SEPTIN7: variants seen among roughly 807,000 people sequenced by gnomAD.
SEPTIN7 encodes the protein septin 7.
A neutral mutation model predicts 63.3 loss-of-function variants in SEPTIN7; 10 were observed. The observed-to-expected ratio is 0.16, with a 90% CI of 0.10 to 0.27. The LOEUF (loss-of-function observed/expected upper bound fraction) is 0.27. SEPTIN7 is among the 10% of genes least tolerant of loss of function. The probability of loss-of-function intolerance (pLI) is 1.00; values close to 1 mark genes in which losing one functional copy is unlikely to be tolerated. For synonymous variants in SEPTIN7, 131 were observed against 165.3 expected (o/e 0.79, Z 1.59); for missense variants, 310 against 521.0 (o/e 0.59, Z 3.94).
intron 1 of SEPTIN7, among the ~76,000 whole-genome samples, chr7:35,818,518 T>A (rs1167353936): frequency 6.6e-6 from 1 of 152,082 alleles, no homozygotes; most frequent in African/African-American, 2.4e-5. Context: ...TTGGACTAGT[T>A]TTTGAAGGAT....
rs2116408546 is a variant in SEPTIN7, at chr7:35,905,313, T to A, written c.*1020T>A. 1 of 152,782 alleles carries A rather than the reference T, an allele frequency of 6.5e-6. No individual in the cohort carries two copies. The highest frequency in any genetic ancestry group is 2.1e-4 in the South Asian group (1 of 4,832). The allele number at this position is 152,782 out of a possible 1,614,324, so 9.5% of individuals were successfully genotyped here. On this transcript the variant is annotated 3_prime_UTR_variant, in exon 14 of 14. Coordinates refer to ENST00000350320, the MANE Select transcript of SEPTIN7 (RefSeq NM_001788.6). ...TAAACGATGTTGTGATGTAATATTG[T>A]GTGAGGTCTTAAATATCCTACAGTC...
chr7:35,811,190 C>G (rs895265959), intron 1 of SEPTIN7, among the ~76,000 whole-genome samples: 8 of 151,920 alleles, frequency 5.3e-5, no homozygotes, highest in Non-Finnish European at 1.0e-4. Flanking sequence ...TAATAATTTT[C>G]TTAGTTCTTT....
chr7:35,867,187 A>C (rs1347741207), intron 4 of SEPTIN7, among the ~76,000 whole-genome samples: 1 of 152,312 alleles, frequency 6.6e-6, no homozygotes, highest in South Asian at 2.1e-4. Context: ...ATTGATGAAA[A>C]TGAAGTGAAA....
intron 1 of SEPTIN7, among the ~76,000 whole-genome samples, chr7:35,829,962 T>TG (rs1257338231): frequency 6.6e-6 from 1 of 151,262 alleles, no homozygotes; most frequent in Non-Finnish European, 1.5e-5. Flanking sequence ...CCAAGGCGGG[T>TG]GGATCATGAG....
At chr7:35,873,414 A>C (rs1786277848) in intron 5 of SEPTIN7, among the ~76,000 whole-genome samples, 1 of 152,094 alleles carries the variant, frequency 6.6e-6, no homozygotes. Flanking sequence ...GCTAATATTT[A>C]GCTGTGTTTC....
intron 3 of SEPTIN7, among the ~76,000 whole-genome samples, chr7:35,852,462 C>T (rs1317639795): frequency 6.6e-6 from 1 of 151,806 alleles, no homozygotes. Context: ...TAAGGAAACA[C>T]AGAAAAATTT....
intron 9 of SEPTIN7, 25 bp downstream of exon 9, chr7:35,884,012 T>G: frequency 7.2e-7 from 1 of 1,395,396 alleles, no homozygotes. Context: ...AGTGAATGAC[T>G]TTCTAAAATA....
At chr7:35,894,744 A>C (rs1787860576) in intron 11 of SEPTIN7, among the ~76,000 whole-genome samples, 1 of 152,212 alleles carries the variant, frequency 6.6e-6, no homozygotes, top group African/African-American at 2.4e-5. Flanking sequence ...CTGGAGCAAA[A>C]GTATGTAAAT....
At chr7:35,843,181 G>T (rs1487736010) in intron 3 of SEPTIN7, among the ~76,000 whole-genome samples, 1 of 152,140 alleles carries the variant, frequency 6.6e-6, no homozygotes, top group Admixed American at 6.5e-5. Context: ...CCAGAGGGAG[G>T]TAATGGATTA....
intron 3 of SEPTIN7, chr7:35,838,551 A>G (rs1360441311): frequency 1.3e-5 from 2 of 149,282 alleles, no homozygotes; most frequent in Non-Finnish European, 3.0e-5. Flanking sequence ...TTGTTTTTGT[A>G]TTTTTTTTGT....
chr7:35,840,317 G>C (rs1021234680), intron 3 of SEPTIN7, among the ~76,000 whole-genome samples: 17 of 147,892 alleles, frequency 1.1e-4, no homozygotes, highest in African/African-American at 4.3e-4. Context: ...GGAGCCCAGT[G>C]GTATAATCAG....
intron 6 of SEPTIN7, among the ~76,000 whole-genome samples, chr7:35,878,154 C>T (rs1000024317): frequency 6.6e-6 from 1 of 152,034 alleles, no homozygotes; most frequent in African/African-American, 2.4e-5. Context: ...TATGGTACAG[C>T]ACACTAAGTG....
At chr7:35,885,401 A>C (rs1237051796) in intron 9 of SEPTIN7, among the ~76,000 whole-genome samples, 1 of 152,144 alleles carries the variant, frequency 6.6e-6, no homozygotes, top group African/African-American at 2.4e-5. Flanking sequence ...TACATTCTTT[A>C]AAAATAAAAG....
the SEPTIN7 span, among the ~76,000 whole-genome samples, chr7:35,914,941 C>T: frequency 2.6e-5 from 4 of 151,896 alleles, no homozygotes; most frequent in Non-Finnish European, 5.9e-5. Flanking sequence ...TGTATATGCA[C>T]ACGTATCCAT....
rs182068871 is a variant in SEPTIN7, at chr7:35,847,091, A to G, written c.169+14191A>G. ...CTACATTAGAGCAGTGTCTCTGCAC[A>G]CTTACGGGAGTCTGCAGCTGTGACA... On this transcript the variant is annotated intron_variant, in intron 3 of 13. Transcript: ENST00000350320. 4.8e-4 allele frequency: 90 copies of G among 188,510 alleles called. No homozygotes were observed. The East Asian group carries it at 0.01, about 21-fold the overall frequency. The allele number at this position is 188,510 out of a possible 1,614,324, so 11.7% of individuals were successfully genotyped here.
At chr7:35,802,038 G>C (rs1430327016) in intron 1 of SEPTIN7, among the ~76,000 whole-genome samples, 1 of 152,120 alleles carries the variant, frequency 6.6e-6, no homozygotes, top group Non-Finnish European at 1.5e-5. Flanking sequence ...GAGAACGCCT[G>C]GGAAGGGCGC....
At chr7:35,907,514 A>G (rs1430053557), downstream of SEPTIN7, among the ~76,000 whole-genome samples, 1 of 152,122 alleles carries the variant, frequency 6.6e-6, no homozygotes, top group African/African-American at 2.4e-5. Context: ...CATCTGCAAA[A>G]GGATGAGGAA....
downstream of SEPTIN7, among the ~76,000 whole-genome samples, chr7:35,911,179 A>G (rs1233385747): frequency 6.6e-6 from 1 of 152,242 alleles, no homozygotes; most frequent in Non-Finnish European, 1.5e-5. Flanking sequence ...CAGGACAACC[A>G]GTCACAATGA....
chr7:35,810,350 G>T (rs1385540280), intron 1 of SEPTIN7, among the ~76,000 whole-genome samples: 2 of 149,118 alleles, frequency 1.3e-5, no homozygotes, highest in African/African-American at 2.5e-5. Context: ...TTGAGATGGA[G>T]TCTTGCTCTG....
Sources: allele counts gnomAD v4.1 joint callset (sites outside exome capture counted in the v4.1 genomes callset), GRCh38; gene constraint gnomAD v4.1.1; transcripts MANE v1.5; gene names NCBI Gene and HGNC (gene_info 2026-07-23, HGNC 2026-07-21).